The following PGM1 variants were observed in gnomAD, a reference collection of about 807,000 sequenced individuals.
PGM1 encodes the protein phosphoglucomutase 1, also known as phosphoglucomutase-1.
Under a neutral mutation model 55.6 loss-of-function variants are expected in PGM1, and 52 were observed. The ratio of observed to expected loss-of-function variants is 0.94; its 90% CI spans 0.75 to 1.18. The LOEUF is 1.18. PGM1 is among the 50% of genes most tolerant of loss of function. The pLI, the probability that PGM1 is intolerant of heterozygous loss-of-function variation, is 0.00. For missense variants in PGM1, 724 were observed against 729.3 expected (o/e 0.99, Z 0.08); for synonymous variants, 287 against 271.7 (o/e 1.06, Z -0.55).
chr1:63,606,168 C>G (rs747577394), intron 1 of PGM1, among the ~76,000 whole-genome samples: 2 of 152,186 alleles, frequency 1.3e-5, no homozygotes, highest in Non-Finnish European at 2.9e-5. Context: ...AACCATTTGT[C>G]TCAAGCTACA....
chr1:63,636,910 C>T (rs184214639), intron 6 of PGM1, among the ~76,000 whole-genome samples: 110 of 152,276 alleles, frequency 7.2e-4, no homozygotes, highest in Middle Eastern at 3.4e-3. Context: ...AGAGTTTCAA[C>T]GACTGGATCG....
intron 7 of PGM1, among the ~76,000 whole-genome samples, chr1:63,639,632 C>T (rs1649461314): frequency 1.3e-5 from 2 of 152,062 alleles, no homozygotes; most frequent in Non-Finnish European, 2.9e-5. Flanking sequence ...CTTTTATTCC[C>T]TCTACCCAAT....
intron 1 of PGM1, among the ~76,000 whole-genome samples, chr1:63,603,568 A>G (rs1443691451): frequency 1.3e-5 from 2 of 152,186 alleles, no homozygotes; most frequent in Admixed American, 6.5e-5. Flanking sequence ...GAATCGTAAG[A>G]CCAGATGGCT....
chr1:63,651,490 T>G (rs1649804793), intron 8 of PGM1, 179 bp from the exon 9 acceptor site: 2 of 610,058 alleles, frequency 3.3e-6, no homozygotes, highest in Non-Finnish European at 5.9e-6. Context: ...AACCCTTCCT[T>G]TCATCCCTGG....
intron 7 of PGM1, among the ~76,000 whole-genome samples, chr1:63,644,534 A>G (rs777510143): frequency 9.2e-5 from 14 of 152,234 alleles, no homozygotes; most frequent in Non-Finnish European, 1.9e-4. Flanking sequence ...ATGTACAATC[A>G]AGGAGCATTA....
chr1:63,614,885 T>C (rs1648668967), intron 1 of PGM1, among the ~76,000 whole-genome samples: 1 of 152,222 alleles, frequency 6.6e-6, no homozygotes, highest in African/African-American at 2.4e-5. Context: ...TGTGGCCTAC[T>C]GAATTTATCT....
In PGM1 at chr1:63,630,910, G is replaced by A. The variant is rs542157783; in HGVS notation, c.557-747G>A. Among the ~76,000 whole-genome samples, 32 of 152,232 alleles carry A rather than the reference G, an allele frequency of 2.1e-4. 1 individual carries two copies. The highest frequency in any genetic ancestry group is 5.9e-5 in the Non-Finnish European group (4 of 68,022). On this transcript the variant is annotated intron_variant, in intron 3 of 10. Coordinates refer to ENST00000371084, the MANE Select transcript of PGM1 (RefSeq NM_002633.3). ...ATTTTTTTGTTTGAACCTACTCAGG[G>A]AGAGCTGACAATTGCATCCTAACAA...
At chr1:63,614,307 C>T (rs1570480309) in intron 1 of PGM1, among the ~76,000 whole-genome samples, 1 of 152,272 alleles carries the variant, frequency 6.6e-6, no homozygotes, top group South Asian at 2.1e-4. Context: ...TCCTCAAGAC[C>T]CTTTTTAATA....
intron 6 of PGM1, among the ~76,000 whole-genome samples, chr1:63,636,840 A>T (rs1162477076): frequency 6.6e-6 from 1 of 152,212 alleles, no homozygotes; most frequent in Non-Finnish European, 1.5e-5. Context: ...ATTCTGGAGG[A>T]TCACTTTTCT....
intron 1 of PGM1, among the ~76,000 whole-genome samples, chr1:63,603,286 T>C (rs1648293641): frequency 6.6e-6 from 1 of 152,044 alleles, no homozygotes; most frequent in African/African-American, 2.4e-5. Context: ...ATGTAAGGGG[T>C]GTTGGGCCAT....
intron 1 of PGM1, among the ~76,000 whole-genome samples, chr1:63,620,525 G>A (rs1648852740): frequency 6.6e-6 from 1 of 152,148 alleles, no homozygotes; most frequent in South Asian, 2.1e-4. Flanking sequence ...GTGAAGAGGT[G>A]AACCCATTCA....
intron 4 of PGM1, among the ~76,000 whole-genome samples, chr1:63,634,558 A>G (rs1649310438): frequency 6.6e-6 from 1 of 152,166 alleles, no homozygotes; most frequent in African/African-American, 2.4e-5. Flanking sequence ...CAGGGCCTTT[A>G]TAATGGTTGG....
At chr1:63,658,397 C>CT (rs34314608) in intron 10 of PGM1, among the ~76,000 whole-genome samples, 238 of 135,174 alleles carry the variant, frequency 1.8e-3, no homozygotes, top group South Asian at 6.6e-3. Context: ...AGAATTCTCT[C>CT]TTTTTTTTTT....
At chr1:63,652,808 G>A (rs1021097902) in intron 9 of PGM1, among the ~76,000 whole-genome samples, 1 of 152,190 alleles carries the variant, frequency 6.6e-6, no homozygotes, top group African/African-American at 2.4e-5. Flanking sequence ...TCAGTGCCTG[G>A]AGTCTCCCCT....
intron 1 of PGM1, among the ~76,000 whole-genome samples, chr1:63,604,779 C>A (rs1483820725): frequency 6.6e-6 from 1 of 152,122 alleles, no homozygotes; most frequent in Non-Finnish European, 1.5e-5. Flanking sequence ...GTTACCCAGT[C>A]AGTACTCAGT....
chr1:63,651,404 C>G, intron 8 of PGM1: 1 of 449,878 alleles, frequency 2.2e-6, no homozygotes. Flanking sequence ...CATCTTAGAG[C>G]TTTATTCTGT....
At chr1:63,654,614 C>A in intron 10 of PGM1, 148 bp downstream of exon 10, 2 of 727,554 alleles carry the variant, frequency 2.7e-6, no homozygotes, top group Non-Finnish European at 4.7e-6. Flanking sequence ...TTCTCCATGT[C>A]AACATTATAG....
intron 1 of PGM1, among the ~76,000 whole-genome samples, chr1:63,611,459 T>C (rs2100966623): frequency 6.6e-6 from 1 of 152,244 alleles, no homozygotes; most frequent in Admixed American, 6.5e-5. Flanking sequence ...CCTTAACCCC[T>C]GAGGTCACAC....
chr1:63,630,400 G>A lies in PGM1; in HGVS notation c.556+312G>A, dbSNP rs149027997. Reference sequence around the variant, plus strand: ...CATAGTTAACTTTTATTGACCTCTTGCTACATGCCAAGGTCTTTACACGTG... The same window carrying A: ...CATAGTTAACTTTTATTGACCTCTTACTACATGCCAAGGTCTTTACACGTG... On this transcript the variant is annotated intron_variant, in intron 3 of 10. Coordinates refer to ENST00000371084, the MANE Select transcript of PGM1 (RefSeq NM_002633.3). Among the ~76,000 whole-genome samples the A allele has an allele frequency of 2.6e-3, 392 of 152,270 alleles. 1 individual carries two copies. Among genetic ancestry groups the A allele is most frequent in the South Asian group, 0.011 (52 of 4,828 alleles).
Sources: gnomAD v4.1 joint callset for allele counts (sites outside exome capture counted in the v4.1 genomes callset) on GRCh38, gnomAD v4.1.1 for gene constraint, MANE v1.5 for transcripts, NCBI Gene and HGNC (gene_info 2026-07-23, HGNC 2026-07-21) for gene names.